CCT6A: variants seen among roughly 807,000 people sequenced by gnomAD.
CCT6A encodes the protein chaperonin containing TCP1 subunit 6A.
Under a neutral mutation model 58.6 loss-of-function variants are expected in CCT6A, and 6 were observed. The ratio of observed to expected loss-of-function variants is 0.10; its 90% confidence interval spans 0.06 to 0.20. CCT6A has a LOEUF of 0.20. Among genes scored for constraint, CCT6A ranks in the 10% least tolerant of loss-of-function variants. CCT6A has a pLI of 1.00. For synonymous variants in CCT6A, 245 were observed against 227.8 expected (o/e 1.08, Z -0.68); for missense variants, 516 against 648.8 (o/e 0.80, Z 2.22).
rs1410794635 is a variant in CCT6A, at chr7:56,060,796, C to T, written c.1214-11C>T. ...TTTTCTTAGCATTTTTCCTTTTCCC[C>T]CATCCAACAGGCTGTGTGGTTCCAG... On this transcript the variant is annotated splice_polypyrimidine_tract_variant and intron_variant, in intron 10 of 13. Transcript: ENST00000275603. The T allele has an allele frequency of 2.5e-6, 4 of 1,595,714 alleles. No individual in the cohort carries two copies. The African/African-American group carries it at 5.4e-5, about 22-fold the overall frequency.
chr7:56,054,996 A>C (rs928938028), intron 3 of CCT6A, among the ~76,000 whole-genome samples: 2 of 152,166 alleles, frequency 1.3e-5, no homozygotes, highest in Admixed American at 1.3e-4. Flanking sequence ...AGAATAGTCC[A>C]GGCGCAGTGG....
Position 56,058,670 on chromosome 7 carries a change from T to G in CCT6A, c.936T>G (p.Ala312=). 4 of 1,601,780 alleles carry G rather than the reference T, an allele frequency of 2.5e-6. No individual in the cohort carries two copies. The highest frequency in any genetic ancestry group is 3.4e-6 in the Non-Finnish European group (4 of 1,169,378). Reference sequence around the variant, plus strand: ...CTCTTTCAAAAGAAGGCATAGTTGCTCTGCGCAGAGCTAAAAGGAGAAATA... The same window carrying G: ...CTCTTTCAAAAGAAGGCATAGTTGCGCTGCGCAGAGCTAAAAGGAGAAATA... The part of the protein sequence containing the change: ...LDALSKEGIV[A]LRRAKRRNME... The change falls in exon 8 of 14, where the codon GCT becomes GCG. Residue 312 remains alanine (A), a synonymous_variant. Coordinates refer to ENST00000275603, the MANE Select transcript of CCT6A (RefSeq NM_001762.4).
Position 56,059,572 on chromosome 7 carries a change from C to G in CCT6A, c.997C>G (p.Leu333Val). The G allele has an allele frequency of 1.2e-6, 2 of 1,608,456 alleles. No homozygotes were observed. The highest frequency in any genetic ancestry group is 1.7e-6 in the Non-Finnish European group (2 of 1,174,990). The change falls in exon 9 of 14, where the codon CTG becomes GTG. Residue 333 changes from leucine (L) to valine (V), a missense_variant. Physicochemically the swap from Leu to Val is conservative, Grantham distance 32. This residue lies in a region of CCT6A where 315 missense variants were observed against 389.4 expected (regional missense o/e 0.81). Transcript: ENST00000275603. ...RLTLACGGVA[L>V]NSFDDLSPDC... ...GACTCTTGCTTGTGGTGGGGTAGCC[C>G]TGAATTCTTTTGACGACCTAAGTCC...
In CCT6A at chr7:56,060,894, A is replaced by T. The variant is rs1418470568; in HGVS notation, c.1301A>T (p.Gln434Leu). ...KHKPSVKGRA[Q>L]LGVQAFADAL... is the part of the protein sequence containing the mutation. ...AAGCCCAGTGTAAAGGGCAGGGCAC[A>T]GCTTGGAGTCCAAGCATTTGCTGAT... is the stretch of plus-strand genomic sequence containing the variant. Residue 434 changes from glutamine to leucine, a missense_variant, in exon 11 of 14, where the codon CAG becomes CTG. This residue lies in a region of CCT6A where 315 missense variants were observed against 389.4 expected (regional missense o/e 0.81). Transcript: ENST00000275603. The T allele has an allele frequency of 6.2e-7, 1 of 1,613,200 alleles. No homozygotes were observed. Among genetic ancestry groups the T allele is most frequent in the Non-Finnish European group, 8.5e-7 (1 of 1,179,824 alleles).
chr7:56,060,681 A>G (rs376096229), intron 10 of CCT6A, 126 bp from the exon 11 acceptor site: 2 of 1,236,478 alleles, frequency 1.6e-6, no homozygotes. Flanking sequence ...CCTATTTGGT[A>G]TGTTAGTCAC....
intron 1 of CCT6A, 149 bp downstream of exon 1, chr7:56,052,134 A>G: frequency 2.8e-6 from 2 of 716,850 alleles, no homozygotes; most frequent in African/African-American, 3.7e-5. Context: ...TGTCCCTCCT[A>G]AGCCCCACCG....
chr7:56,052,298 C>A, intron 1 of CCT6A, 124 bp from the exon 2 acceptor site: 2 of 841,496 alleles, frequency 2.4e-6, no homozygotes, highest in Non-Finnish European at 4.0e-6. Context: ...GTCCTCCATC[C>A]TGCTGGACAT....
At chr7:56,052,804 T>TTA (rs1470178098) in intron 2 of CCT6A, among the ~76,000 whole-genome samples, 1 of 23,284 alleles carries the variant, frequency 4.3e-5, no homozygotes, top group Non-Finnish European at 1.3e-4. Context: ...TTTTTTTTTT[T>TTA]TTTTAATTAG....
At chr7:56,061,522 T>C (rs1017336107) in intron 11 of CCT6A, among the ~76,000 whole-genome samples, 1 of 151,212 alleles carries the variant, frequency 6.6e-6, no homozygotes, top group African/African-American at 2.4e-5. Context: ...TTTTTTTTTA[T>C]TTTTAGTAGA....
Position 56,062,735 on chromosome 7 carries a change from G to T in CCT6A, c.1503G>T (p.Lys501Asn). ...GCGTATGGGATAACTATTGTGTAAA[G>T]AAACAGCTTCTTCACTCCTGGTAAG... ...EVGVWDNYCV[K>N]KQLLHSCTVI... The change falls in exon 13 of 14, where the codon AAG becomes AAT. Residue 501 changes from lysine to asparagine, a missense_variant. This residue lies in a region of CCT6A where 315 missense variants were observed against 389.4 expected (regional missense o/e 0.81). Transcript: ENST00000275603. The T allele has an allele frequency of 6.2e-7, 1 of 1,611,088 alleles. No homozygotes were observed. Among genetic ancestry groups the T allele is most frequent in the Non-Finnish European group, 8.5e-7 (1 of 1,179,122 alleles).
intron 5 of CCT6A, 71 bp from the exon 6 acceptor site, chr7:56,057,922 C>G: frequency 1.2e-6 from 1 of 823,760 alleles, no homozygotes; most frequent in South Asian, 1.4e-5. Context: ...AATACCTTCT[C>G]ATTTCAGTGT....
Position 56,054,430 on chromosome 7 carries a change from C to T in CCT6A, c.263C>T (p.Thr88Ile), listed in dbSNP as rs748308448. 6.2e-7 allele frequency: 1 copy of T among 1,612,604 alleles called. No individual in the cohort carries two copies. Among genetic ancestry groups the T allele is most frequent in the Non-Finnish European group, 8.5e-7 (1 of 1,179,236 alleles). ...AKVATAQDDI[T>I]GDGTTSNVLI... is the part of the protein sequence containing the mutation. ...GTAGCAACAGCCCAGGATGATATAA[C>T]TGGTGATGGTACGACTTCTAATGTC... The change falls in exon 3 of 14, where the codon ACT (threonine) becomes ATT (isoleucine). Residue 88 changes from threonine to isoleucine, a missense_variant. Around this residue, in one of 3 missense-constraint regions of CCT6A, gnomAD observed 116 missense variants for 184.5 expected, o/e 0.63. Coordinates refer to ENST00000275603, the MANE Select transcript of CCT6A (RefSeq NM_001762.4).
chr7:56,058,433 T>G lies in CCT6A; in HGVS notation c.797T>G (p.Phe266Cys). 6.2e-7 allele frequency: 1 copy of G among 1,604,580 alleles called. No individual in the cohort carries two copies. Among genetic ancestry groups the G allele is most frequent in the Non-Finnish European group, 8.5e-7 (1 of 1,176,216 alleles). ...REKLVKAERK[F>C]IEDRVKKIIE... ...AAACTCGTGAAAGCTGAAAGAAAAT[T>G]CATTGAAGATAGGGTTAAAAAAATA... The change falls in exon 7 of 14, where the codon TTC (phenylalanine) becomes TGC (cysteine). Residue 266 changes from phenylalanine to cysteine, a missense_variant. Phe to Cys is a radical substitution (Grantham distance 205). Around this residue, in one of 3 missense-constraint regions of CCT6A, gnomAD observed 315 missense variants for 389.4 expected, o/e 0.81. Transcript: ENST00000275603.
At position 56,052,411 on chromosome 7, in the gene CCT6A, C is replaced by T. The variant is rs1355400071; in HGVS notation, c.138-11C>T. 13 of 1,612,562 alleles carry T rather than the reference C, an allele frequency of 8.1e-6. No homozygotes were observed. The highest frequency in any genetic ancestry group is 5.0e-5 in the Admixed American group (3 of 60,000). The stretch of plus-strand genomic sequence containing the variant: ...AAGTCATAGTCTGGTTCATTTCTGT[C>T]CTTTAAACAGGCTCGTTTCTGGCGC... On this transcript the variant is annotated splice_polypyrimidine_tract_variant and intron_variant, in intron 1 of 13. Coordinates refer to ENST00000275603, the MANE Select transcript of CCT6A (RefSeq NM_001762.4).
chr7:56,054,513 A>G lies in CCT6A; in HGVS notation c.336+10A>G, dbSNP rs1794263300. The stretch of plus-strand genomic sequence containing the variant: ...TCTCTACATTTCTGAAGTATGCACA[A>G]CTCTTGTTTCTGTAATTTTTTTTTG... On this transcript the variant is annotated intron_variant, in intron 3 of 13. Transcript: ENST00000275603. 2 of 1,601,044 alleles carry G rather than the reference A, an allele frequency of 1.2e-6. No homozygotes were observed. The highest frequency in any genetic ancestry group is 1.7e-6 in the Non-Finnish European group (2 of 1,172,984).
chr7:56,061,747 G>A lies in CCT6A; in HGVS notation c.1348G>A (p.Val450Ile). 1 of 1,345,448 alleles carries A rather than the reference G, an allele frequency of 7.4e-7. No homozygotes were observed. Among genetic ancestry groups the A allele is most frequent in the Non-Finnish European group, 9.8e-7 (1 of 1,020,860 alleles). 83.3% of individuals were successfully genotyped at this position (1,345,448 alleles called of 1,614,324 possible). A position where few individuals can be genotyped will look rare whatever the true frequency, so the allele number is the denominator to read the frequency against. Residue 450 changes from valine (V) to isoleucine (I), a missense_variant and splice_region_variant, in exon 12 of 14, where the codon GTT (valine) becomes ATT (isoleucine). By Grantham distance (29) the Val-to-Ile change is conservative (BLOSUM62 3). Around this residue, in one of 3 missense-constraint regions of CCT6A, gnomAD observed 315 missense variants for 389.4 expected, o/e 0.81. Transcript: ENST00000275603. ...FADALLIIPK[V>I]LAQNSGFDLQ... is the part of the protein sequence containing the mutation. ...CAAGAATTAAATTTGTTTACTTTAG[G>A]TTCTTGCTCAGAACTCTGGTTTTGA... is the stretch of plus-strand genomic sequence containing the variant.
chr7:56,051,923 C>T lies in CCT6A; in HGVS notation c.75C>T (p.Ser25=). ...AGGCGGCGCTGGCGGTCAACATCAG[C>T]GCAGCGCGGGGTCTGCAGGACGTGC... ...RAQAALAVNI[S]AARGLQDVLR... Residue 25 remains serine, a synonymous_variant, in exon 1 of 14, where the codon AGC becomes AGT. Coordinates refer to ENST00000275603, the MANE Select transcript of CCT6A (RefSeq NM_001762.4). The T allele has an allele frequency of 3.9e-6, 6 of 1,550,990 alleles. No individual in the cohort carries two copies. The highest frequency in any genetic ancestry group is 5.2e-6 in the Non-Finnish European group (6 of 1,147,266).
At chr7:56,060,746 T>C in intron 10 of CCT6A, 61 bp from the exon 11 acceptor site, 3 of 1,544,112 alleles carry the variant, frequency 1.9e-6, no homozygotes, top group South Asian at 2.4e-5. Flanking sequence ...TATGTATATT[T>C]TGTTATTCAT....
chr7:56,058,049 G>C lies in CCT6A; in HGVS notation c.671G>C (p.Arg224Thr). The C allele has an allele frequency of 1.2e-6, 2 of 1,613,192 alleles. No homozygotes were observed. The highest frequency in any genetic ancestry group is 2.2e-5 in the South Asian group (2 of 91,076). The stretch of plus-strand genomic sequence containing the variant: ...GCACGGCATCCTGATATGAAGAAAA[G>C]GGTGGAGGATGCATACATCCTCACT... ...HGARHPDMKK[R>T]VEDAYILTCN... The change falls in exon 6 of 14, where the codon AGG (arginine) becomes ACG (threonine). Residue 224 changes from arginine to threonine, a missense_variant. Transcript: ENST00000275603.
Sources: allele counts gnomAD v4.1 joint callset (sites outside exome capture counted in the v4.1 genomes callset), GRCh38; gene constraint gnomAD v4.1.1; regional missense constraint gnomAD v4.1.1; transcripts MANE v1.5; gene names NCBI Gene and HGNC (gene_info 2026-07-23, HGNC 2026-07-21).